Variants in ASTN1 observed in about 807,000 individuals in gnomAD.
ASTN1 encodes the protein astrotactin-1.
In ASTN1, 41 loss-of-function variants were observed where a neutral mutation model predicts 140.7. That is an observed-to-expected ratio of 0.29 (90% CI 0.23 to 0.38). The LOEUF (loss-of-function observed/expected upper bound fraction) is 0.38, where lower values mean the gene tolerates loss of function less well. Ranked by LOEUF, ASTN1 falls within the 10% of genes least tolerant of loss-of-function variation. The pLI is 1.00. For synonymous variants in ASTN1, 640 were observed against 652.2 expected, an observed-to-expected ratio of 0.98 and a Z score of 0.29; for missense variants, 1,479 against 1,678.8, an observed-to-expected ratio of 0.88 and a Z score of 2.08.
chr1:177,107,070 T>C (rs998040025), intron 1 of ASTN1, among the ~76,000 whole-genome samples: 4 of 152,102 alleles, frequency 2.6e-5, no homozygotes, highest in African/African-American at 4.8e-5. Flanking sequence ...CTAAAGACCA[T>C]TTTTAAGTGG....
intron 14 of ASTN1, among the ~76,000 whole-genome samples, chr1:176,941,338 A>C (rs142334838): frequency 2.6e-5 from 4 of 152,316 alleles, no homozygotes; most frequent in Non-Finnish European, 4.4e-5. Flanking sequence ...ACCACTTCTT[A>C]ACAAAAATAG....
chr1:176,891,027 A>G (rs891383673), intron 17 of ASTN1, among the ~76,000 whole-genome samples: 2 of 152,266 alleles, frequency 1.3e-5, no homozygotes, highest in African/African-American at 4.8e-5. Flanking sequence ...ACCTGTCTCA[A>G]AAAAACAAAA....
At chr1:177,124,618 A>C (rs1681558704) in intron 1 of ASTN1, among the ~76,000 whole-genome samples, 1 of 152,196 alleles carries the variant, frequency 6.6e-6, no homozygotes. Context: ...GCTACCACAG[A>C]AGCCACTGCC....
intron 8 of ASTN1, among the ~76,000 whole-genome samples, chr1:176,994,206 T>C (rs908000007): frequency 2.6e-5 from 4 of 151,776 alleles, no homozygotes; most frequent in Non-Finnish European, 5.9e-5. Context: ...GACTGTTTAG[T>C]GGTAAAAGTT....
chr1:176,941,391 T>G (rs984858390), intron 14 of ASTN1, among the ~76,000 whole-genome samples: 1 of 152,294 alleles, frequency 6.6e-6, no homozygotes, highest in Admixed American at 6.5e-5. Flanking sequence ...AGGTCAAGAT[T>G]CCCATAGTTT....
At chr1:176,970,731 GGTGTGTGTGTGT>G (rs10642697) in intron 8 of ASTN1, among the ~76,000 whole-genome samples, 4 of 147,138 alleles carry the variant, frequency 2.7e-5, no homozygotes, top group Non-Finnish European at 6.0e-5. Context: ...TGTGGGTATG[GGTGTGTGTGTGT>G]GTGTGTGTGT....
At chr1:176,972,539 C>T (rs953679497) in intron 8 of ASTN1, among the ~76,000 whole-genome samples, 3 of 152,006 alleles carry the variant, frequency 2.0e-5, no homozygotes, top group Non-Finnish European at 4.4e-5. Flanking sequence ...CACTCTGTCA[C>T]CCATGCCAAA....
At chr1:177,111,004 T>C (rs1033113369) in intron 1 of ASTN1, among the ~76,000 whole-genome samples, 1 of 152,232 alleles carries the variant, frequency 6.6e-6, no homozygotes, top group East Asian at 1.9e-4. Context: ...TGAAATTCTA[T>C]GTAACCCTCC....
chr1:176,979,454 C>G (rs1218509743), intron 8 of ASTN1, among the ~76,000 whole-genome samples: 1 of 152,192 alleles, frequency 6.6e-6, no homozygotes, highest in African/African-American at 2.4e-5. Context: ...CTTAAACACA[C>G]TGCCTCAGAG....
At chr1:176,948,624 T>C (rs1485072714) in intron 12 of ASTN1, among the ~76,000 whole-genome samples, 1 of 152,064 alleles carries the variant, frequency 6.6e-6, no homozygotes, top group East Asian at 1.9e-4. Context: ...TGAGAAGAGA[T>C]GAACTGAGGT....
chr1:176,903,480 T>C (rs558310445), intron 16 of ASTN1, among the ~76,000 whole-genome samples: 2 of 152,280 alleles, frequency 1.3e-5, no homozygotes, highest in South Asian at 4.1e-4. Context: ...CCTCTGCATG[T>C]CCTTAGAGCC....
At chr1:177,071,056 C>T (rs191087637) in intron 1 of ASTN1, among the ~76,000 whole-genome samples, 3 of 152,210 alleles carry the variant, frequency 2.0e-5, no homozygotes, top group Admixed American at 6.5e-5. Context: ...TTCATAAGTC[C>T]AGGAACTATA....
chr1:177,162,683 A>G (rs1350105586), intron 1 of ASTN1, among the ~76,000 whole-genome samples: 1 of 152,178 alleles, frequency 6.6e-6, no homozygotes, highest in Non-Finnish European at 1.5e-5. Context: ...TAAACACTAC[A>G]AGCAGAGTGC....
At chr1:177,034,004 T>C (rs1676583660) in intron 2 of ASTN1, among the ~76,000 whole-genome samples, 1 of 152,136 alleles carries the variant, frequency 6.6e-6, no homozygotes, top group Non-Finnish European at 1.5e-5. Flanking sequence ...ATGTGCCAAA[T>C]GGTTCTTCTC....
At chr1:176,935,253 C>G (rs960543349) in intron 15 of ASTN1, among the ~76,000 whole-genome samples, 1 of 152,170 alleles carries the variant, frequency 6.6e-6, no homozygotes, top group South Asian at 2.1e-4. Context: ...ACAGCGACAC[C>G]ATTGTGTGAC....
rs1016674969 is a variant in ASTN1 at position 177,100,535 on chromosome 1, G to A, written c.284-39270C>T. Among the ~76,000 whole-genome samples, 5 of 152,186 alleles carry A rather than the reference G, an allele frequency of 3.3e-5. No homozygotes were observed. The South Asian group carries it at 8.3e-4, about 25-fold the overall frequency. ...ACTGTACCATAAAAATGAACAAGCT[G>A]AGGATTTGACATCGAGAGAAAGGTT... On this transcript the variant is annotated intron_variant, in intron 1 of 22. Transcript: ENST00000361833.
intron 1 of ASTN1, among the ~76,000 whole-genome samples, chr1:177,098,472 T>C (rs1290047544): frequency 6.6e-6 from 1 of 152,190 alleles, no homozygotes; most frequent in Non-Finnish European, 1.5e-5. Context: ...TTATTTTCTT[T>C]TCTGAACCCT....
intron 1 of ASTN1, among the ~76,000 whole-genome samples, chr1:177,137,215 C>A (rs1206985614): frequency 6.6e-6 from 1 of 152,154 alleles, no homozygotes; most frequent in Non-Finnish European, 1.5e-5. Context: ...ATTAATAACA[C>A]ATGCAAGGAA....
chr1:176,861,223 T>A lies in ASTN1; in HGVS notation c.*3061A>T. On this transcript the variant is annotated 3_prime_UTR_variant, in exon 23 of 23. Transcript: ENST00000361833. ...GTAAAGTGTTTTTCTTCATACTCAG[T>A]TTTTTTAATAGAACATTTGAATATC... 6 of 979,878 alleles carry A rather than the reference T, an allele frequency of 6.1e-6. No individual in the cohort carries two copies. Among genetic ancestry groups the A allele is most frequent in the Non-Finnish European group, 6.1e-6 (5 of 824,538 alleles). 60.7% of individuals were successfully genotyped at this position (979,878 alleles called of 1,614,324 possible). A position where few individuals can be genotyped will look rare whatever the true frequency, so the allele number is the denominator to read the frequency against.
Sources: allele counts gnomAD v4.1 joint callset (sites outside exome capture counted in the v4.1 genomes callset), GRCh38; gene constraint gnomAD v4.1.1; transcripts MANE v1.5; gene names NCBI Gene and HGNC (gene_info 2026-07-23, HGNC 2026-07-21).